Variants in SETD1B observed in about 807,000 individuals in gnomAD.
SETD1B encodes the protein histone-lysine N-methyltransferase SETD1B.
Under a neutral mutation model 148.0 loss-of-function variants are expected in SETD1B, and 7 were observed. That is an observed-to-expected ratio of 0.05 (90% confidence interval 0.03 to 0.09). SETD1B has a LOEUF of 0.09. SETD1B is among the 10% of genes least tolerant of loss of function. The probability of loss-of-function intolerance (pLI) is 1.00; values close to 1 mark genes in which losing one functional copy is unlikely to be tolerated. For missense variants in SETD1B, 2,155 were observed against 2,729.9 expected, an observed-to-expected ratio of 0.79 and a Z score of 4.69; for synonymous variants, 1,361 against 1,186.5, an observed-to-expected ratio of 1.15 and a Z score of -3.02.
intron 6 of SETD1B, among the ~76,000 whole-genome samples, chr12:121,813,325 CAA>C (rs1876130633): frequency 5.2e-4 from 7 of 13,478 alleles, no homozygotes; most frequent in Non-Finnish European, 1.3e-3. Context: ...AAATAAATAA[CAA>C]CACACTTCCT....
At chr12:121,792,450 G>A in the SETD1B span, among the ~76,000 whole-genome samples, 2 of 152,222 alleles carry the variant, frequency 1.3e-5, no homozygotes, top group African/African-American at 4.8e-5. Context: ...AACCACCCGT[G>A]GGGGCCTGCA....
At position 121,814,432 on chromosome 12, in the gene SETD1B, A is replaced by AC; in HGVS notation, c.2220dup (p.Ile741HisfsTer101). The AC allele has an allele frequency of 3.4e-6, 3 of 883,276 alleles. No homozygotes were observed. Among genetic ancestry groups the AC allele is most frequent in the Non-Finnish European group, 3.0e-6 (2 of 656,366 alleles). 54.7% of individuals were successfully genotyped at this position (883,276 alleles called of 1,614,324 possible). ...CAGCGCCGCCTGGAGTCCCGCCCCC[A>AC]CCCATCCTGCCACCACTGCCCCCCT... On this transcript the variant is annotated frameshift_variant, in exon 7 of 17. Coordinates refer to ENST00000604567, the MANE Select transcript of SETD1B (RefSeq NM_001353345.2). LOFTEE classifies it high-confidence loss of function.
chr12:121,810,688 C>T lies in SETD1B; in HGVS notation c.1743C>T (p.Asp581=), dbSNP rs376055617. ...GCCCAACACCCCTCCCAGACTCCGA[C>T]GAGGACGAGGAGCTCGACCTGGGCC... ...DISPTPLPDS[D]EDEELDLGLG... The change falls in exon 6 of 17, where the codon GAC becomes GAT. Residue 581 remains aspartate, a synonymous_variant. Coordinates refer to ENST00000604567, the MANE Select transcript of SETD1B (RefSeq NM_001353345.2). This position sits in a 1 kb window ranked among gnomAD's most constrained non-coding sequence, Gnocchi z 7.6. 23 of 1,550,656 alleles carry T rather than the reference C, an allele frequency of 1.5e-5. No homozygotes were observed. Among genetic ancestry groups the T allele is most frequent in the Non-Finnish European group, 1.9e-5 (22 of 1,146,888 alleles).
At chr12:121,818,985 C>T (rs1592984746) in intron 10 of SETD1B, among the ~76,000 whole-genome samples, 1 of 152,236 alleles carries the variant, frequency 6.6e-6, no homozygotes, top group East Asian at 1.9e-4. Context: ...TGGCTCACTC[C>T]TTTAATCCCA....
In SETD1B at chr12:121,806,065, C is replaced by G. The variant is rs1875724252; in HGVS notation, c.504C>G (p.Ser168=). Residue 168 remains serine (S), a synonymous_variant, in exon 4 of 17, where the codon TCC becomes TCG. Transcript: ENST00000604567. ...KDAVQHLHST[S]VMGNIIHVEL... ...CCGTTCAGCACTTGCACAGCACTTC[C>G]GTCATGGGCAACATTATCCACGTGG... 6.4e-7 allele frequency: 1 copy of G among 1,551,666 alleles called. No homozygotes were observed. Among genetic ancestry groups the G allele is most frequent in the East Asian group, 2.4e-5 (1 of 40,908 alleles).
the SETD1B span, among the ~76,000 whole-genome samples, chr12:121,796,810 G>A: frequency 6.6e-6 from 1 of 152,202 alleles, no homozygotes; most frequent in Non-Finnish European, 1.5e-5. Context: ...GGGAGGCCGA[G>A]GTGGGCGGAT....
rs1012120712 is a variant in SETD1B at position 121,824,951 on chromosome 12, C to G, written c.5171-249C>G. On this transcript the variant is annotated intron_variant, in intron 12 of 16. Coordinates refer to ENST00000604567, the MANE Select transcript of SETD1B (RefSeq NM_001353345.2). ...TAAGCTGAGATTGCACCACTGCACT[C>G]GAGCCTGGGCAACAGGAGACCCTGT... Among the ~76,000 whole-genome samples, 3 of 144,496 alleles carry G rather than the reference C, an allele frequency of 2.1e-5. No individual in the cohort carries two copies. The South Asian group carries it at 6.5e-4, about 31-fold the overall frequency. The allele number at this position is 144,496 out of a possible 152,430, so 94.8% of individuals were successfully genotyped here. A position where few individuals can be genotyped will look rare whatever the true frequency, so the allele number is the denominator to read the frequency against.
At chr12:121,802,619 T>C (rs1486962557), upstream of SETD1B, 1 of 151,092 alleles carries the variant, frequency 6.6e-6, no homozygotes, top group Non-Finnish European at 1.5e-5. Flanking sequence ...GGAAAAAAAA[T>C]ATGTCATTTA....
the SETD1B span, chr12:121,797,360 C>T: frequency 2.3e-6 from 1 of 431,944 alleles, no homozygotes; most frequent in Admixed American, 2.4e-5. Flanking sequence ...CCAGCAGCGG[C>T]CCCGCCCCGC....
At chr12:121,829,262 T>C (rs1295955556) in intron 16 of SETD1B, among the ~76,000 whole-genome samples, 5 of 151,608 alleles carry the variant, frequency 3.3e-5, no homozygotes, top group Non-Finnish European at 7.4e-5. Context: ...GGGGTGAGAG[T>C]GGCCAAGGGG....
At chr12:121,797,810 T>C in the SETD1B span, 1 of 351,612 alleles carries the variant, frequency 2.8e-6, no homozygotes, top group African/African-American at 2.1e-5. Flanking sequence ...AAAACAGGTT[T>C]CAGGGAGTAT....
chr12:121,790,621 C>T, the SETD1B span, among the ~76,000 whole-genome samples: 1 of 152,312 alleles, frequency 6.6e-6, no homozygotes, highest in East Asian at 1.9e-4. Context: ...TCCCTGGTCA[C>T]GGGGGGATAC....
At position 121,822,780 on chromosome 12, in the gene SETD1B, C is replaced by T. The variant is rs1003786290; in HGVS notation, c.4201C>T (p.Pro1401Ser). ...GGSSGLSLSS[P>S]QVPGSPFSYP... ...CAGCAGTGGCCTGTCCCTGAGCTCT[C>T]CGCAAGTGCCCGGCAGCCCCTTCTC... The change falls in exon 12 of 17, where the codon CCG becomes TCG. Residue 1401 changes from proline to serine, a missense_variant. By Grantham distance (74) the Pro-to-Ser change is moderately conservative. Transcript: ENST00000604567. 1 of 1,513,794 alleles carries T rather than the reference C, an allele frequency of 6.6e-7. No homozygotes were observed. Among genetic ancestry groups the T allele is most frequent in the East Asian group, 2.5e-5 (1 of 40,520 alleles). 93.8% of individuals were successfully genotyped at this position (1,513,794 alleles called of 1,614,324 possible).
chr12:121,816,590 C>T (rs1876303682), intron 7 of SETD1B, among the ~76,000 whole-genome samples: 1 of 152,230 alleles, frequency 6.6e-6, no homozygotes, highest in Admixed American at 6.5e-5. Context: ...TCACAGCATC[C>T]CTTTGAAGGC....
At chr12:121,802,385 A>C (rs1875424518), upstream of SETD1B, 1 of 152,238 alleles carries the variant, frequency 6.6e-6, no homozygotes, top group Non-Finnish European at 1.5e-5. Flanking sequence ...AAACTAAAAG[A>C]GTAACAACTG....
In SETD1B at chr12:121,810,814, G is replaced by C; in HGVS notation, c.1869G>C (p.Pro623=). Residue 623 remains proline (P), a synonymous_variant, in exon 6 of 17, where the codon CCG becomes CCC. Transcript: ENST00000604567. This position sits in a 1 kb window ranked among gnomAD's most constrained non-coding sequence, Gnocchi z 7.6. ...VALDLVGDRT[P]TSEKMDEGQQ... is the part of the protein sequence containing the mutation. ...TGGACCTGGTTGGAGACAGAACCCC[G>C]ACCTCAGAGAAGATGGATGAGGTAC... is the stretch of plus-strand genomic sequence containing the variant. 6.6e-7 allele frequency: 1 copy of C among 1,514,458 alleles called. No individual in the cohort carries two copies. The highest frequency in any genetic ancestry group is 8.9e-7 in the Non-Finnish European group (1 of 1,124,746). The allele number at this position is 1,514,458 out of a possible 1,614,324, so 93.8% of individuals were successfully genotyped here. A position where few individuals can be genotyped will look rare whatever the true frequency, so the allele number is the denominator to read the frequency against.
chr12:121,805,669 A>AT lies in SETD1B; in HGVS notation c.274-156dup, dbSNP rs1156354370. 6.3e-4 allele frequency among the ~76,000 whole-genome samples: 83 copies of AT among 131,376 alleles called. No individual in the cohort carries two copies. The highest frequency in any genetic ancestry group is 4.1e-3 in the Middle Eastern group (1 of 246). The allele number at this position is 131,376 out of a possible 152,430, so 86.2% of individuals were successfully genotyped here. ...CCGCTTCCCGGGCCCGCCCGCGTGC[A>AT]TTTTTTTTTTCCAAAAAAAATTTTT... On this transcript the variant is annotated intron_variant, in intron 3 of 16. Transcript: ENST00000604567. The surrounding 1 kb of genome is among the most constrained non-coding windows in gnomAD (Gnocchi z 4.2).
the SETD1B span, chr12:121,797,760 T>C: frequency 2.7e-6 from 1 of 364,652 alleles, no homozygotes; most frequent in Non-Finnish European, 5.4e-6. Flanking sequence ...CGGCAGAGGG[T>C]AACGTGAGAG....
chr12:121,804,635 G>A lies in SETD1B; in HGVS notation c.-14-89G>A, dbSNP rs981201106. The A allele has an allele frequency of 2.6e-6, 3 of 1,146,898 alleles. No individual in the cohort carries two copies. The highest frequency in any genetic ancestry group is 3.7e-6 in the Non-Finnish European group (3 of 812,780). The allele number at this position is 1,146,898 out of a possible 1,614,324, so 71.0% of individuals were successfully genotyped here. A position where few individuals can be genotyped will look rare whatever the true frequency, so the allele number is the denominator to read the frequency against. On this transcript the variant is annotated intron_variant, in intron 1 of 16. Transcript: ENST00000604567. This position sits in a 1 kb window ranked among gnomAD's most constrained non-coding sequence, Gnocchi z 4.6. ...GCGCTGGCAAGGTGGGAGGGGGTGG[G>A]GGCCTGCCGATTGGATTCTTTCGCG...
Sources: gnomAD v4.1 joint callset for allele counts (sites outside exome capture counted in the v4.1 genomes callset) on GRCh38, gnomAD v4.1.1 for gene constraint, Gnocchi (gnomAD v3.1) non-coding constraint, MANE v1.5 for transcripts, NCBI Gene and HGNC (gene_info 2026-07-23, HGNC 2026-07-21) for gene names.